The following SUN1 variants were observed in gnomAD, a reference collection of about 807,000 sequenced individuals.
SUN1 encodes the protein Sad1 and UNC84 domain containing 1.
In SUN1, 61 loss-of-function variants were observed where a neutral mutation model predicts 103.2. The observed-to-expected ratio is 0.59, with a 90% CI of 0.48 to 0.73. The LOEUF (loss-of-function observed/expected upper bound fraction) is 0.73. Among genes scored for constraint, SUN1 ranks in the 30% least tolerant of loss-of-function variants. The probability of loss-of-function intolerance (pLI) is 0.00; values close to 1 mark genes in which losing one functional copy is unlikely to be tolerated. For missense variants in SUN1, 1,052 were observed against 1,034.6 expected (o/e 1.02, Z -0.23); for synonymous variants, 490 against 425.7 (o/e 1.15, Z -1.86).
chr7:870,633 C>G (rs919722270), intron 17 of SUN1, among the ~76,000 whole-genome samples: 1 of 152,112 alleles, frequency 6.6e-6, no homozygotes, highest in Non-Finnish European at 1.5e-5. Context: ...GAGCATTTTT[C>G]CATGGCAGGT....
chr7:818,485 A>G (rs1165209694), intron 1 of SUN1, among the ~76,000 whole-genome samples: 1 of 152,212 alleles, frequency 6.6e-6, no homozygotes, highest in African/African-American at 2.4e-5. Context: ...AGTGTGAGTA[A>G]TGCAGCTACT....
intron 5 of SUN1, chr7:848,722 G>A: frequency 1.4e-6 from 1 of 702,394 alleles, no homozygotes; most frequent in Non-Finnish European, 2.1e-6. Context: ...TCCTCCTGTG[G>A]TCTTGGTGCT....
At chr7:828,201 G>A (rs978532258), upstream of SUN1, among the ~76,000 whole-genome samples, 7 of 151,932 alleles carry the variant, frequency 4.6e-5, no homozygotes, top group Non-Finnish European at 7.4e-5. Context: ...ACCCCACCTG[G>A]CCTTATCTAA....
intron 6 of SUN1, 126 bp downstream of exon 6, chr7:851,608 G>A (rs1822248322): frequency 7.1e-6 from 6 of 845,108 alleles, no homozygotes; most frequent in Admixed American, 2.3e-5. Flanking sequence ...TTGGCGTAAC[G>A]TGTCTCGTTC....
At chr7:819,108 C>A (rs1783637757) in intron 1 of SUN1, among the ~76,000 whole-genome samples, 1 of 152,000 alleles carries the variant, frequency 6.6e-6, no homozygotes, top group African/African-American at 2.4e-5. Context: ...GGTGATCTGC[C>A]CGCCTCGCCC....
At position 865,945 on chromosome 7, in the gene SUN1, C is replaced by A. The variant is rs1283253472; in HGVS notation, c.1865-7C>A. The A allele has an allele frequency of 6.2e-7, 1 of 1,613,348 alleles. No individual in the cohort carries two copies. Among genetic ancestry groups the A allele is most frequent in the South Asian group, 1.1e-5 (1 of 91,044 alleles). On this transcript the variant is annotated splice_region_variant and splice_polypyrimidine_tract_variant and intron_variant, in intron 15 of 18. Transcript: ENST00000401592. ...GACACTGAGACCGATCTGAACTTTGCTTTAAGGTGGCAGCATCTTGAGTAC... is the reference window on the plus strand; with the variant it reads ...GACACTGAGACCGATCTGAACTTTGATTTAAGGTGGCAGCATCTTGAGTAC...
chr7:816,549 C>A (rs1780553803), upstream of SUN1: 2 of 381,252 alleles, frequency 5.2e-6, no homozygotes, highest in Non-Finnish European at 1.0e-5. Flanking sequence ...GCGCTCGGGA[C>A]TGGTGAAGGC....
intron 14 of SUN1, 28 bp downstream of exon 14, chr7:860,410 T>C (rs755527884): frequency 6.2e-7 from 1 of 1,607,870 alleles, no homozygotes; most frequent in East Asian, 2.2e-5. Flanking sequence ...CGGCAAGAGA[T>C]GCTTACAGTC....
At chr7:858,107 G>A (rs1829200014) in intron 13 of SUN1, 150 bp downstream of exon 13, 3 of 998,432 alleles carry the variant, frequency 3.0e-6, no homozygotes, top group Non-Finnish European at 4.1e-6. Flanking sequence ...CTAGACTGCA[G>A]TGGCGCGATC....
At position 853,094 on chromosome 7, in the gene SUN1, A is replaced by C. The variant is rs972495720; in HGVS notation, c.1053+142A>C. On this transcript the variant is annotated intron_variant, in intron 9 of 18. Coordinates refer to ENST00000401592, the MANE Select transcript of SUN1 (RefSeq NM_001130965.3). ...AAATGTCAGATAAGCAAGTCTTTGG[A>C]GCTCCTTAAGTGTTCTAGGATAGTT... 5 of 1,126,948 alleles carry C rather than the reference A, an allele frequency of 4.4e-6. No homozygotes were observed. The South Asian group carries it at 5.0e-5, about 11-fold the overall frequency. 69.8% of individuals were successfully genotyped at this position (1,126,948 alleles called of 1,614,324 possible).
chr7:844,908 G>A (rs1352250104), intron 5 of SUN1, among the ~76,000 whole-genome samples: 1 of 152,166 alleles, frequency 6.6e-6, no homozygotes, highest in African/African-American at 2.4e-5. Flanking sequence ...GCACCCCAGG[G>A]CCCCGGGGGT....
At chr7:817,596 C>A in intron 1 of SUN1, 1 of 1,408,584 alleles carries the variant, frequency 7.1e-7, no homozygotes, top group South Asian at 1.3e-5. Flanking sequence ...ATAATTGTGT[C>A]TTCTAAGCTT....
Position 857,834 on chromosome 7 carries a change from T to C in SUN1, c.1401T>C (p.Val467=). 6.3e-7 allele frequency: 1 copy of C among 1,581,408 alleles called. No homozygotes were observed. The highest frequency in any genetic ancestry group is 8.6e-7 in the Non-Finnish European group (1 of 1,157,846). ...TCTCACTGTTGGATTCCAGTGCGGTTGGTGAGCAGCTCCTGCCCACAGTCG... is the reference window on the plus strand; with the variant it reads ...TCTCACTGTTGGATTCCAGTGCGGTCGGTGAGCAGCTCCTGCCCACAGTCG... ...EQTKQKTISA[V]GEQLLPTVEH... Residue 467 remains valine (V), a synonymous_variant, in exon 13 of 19, where the codon GTT becomes GTC. Coordinates refer to ENST00000401592, the MANE Select transcript of SUN1 (RefSeq NM_001130965.3).
chr7:866,907 A>C (rs1837426103), intron 16 of SUN1, among the ~76,000 whole-genome samples: 1 of 151,932 alleles, frequency 6.6e-6, no homozygotes. Context: ...AGTTTAAAGC[A>C]CTAAAGGATG....
At chr7:835,003 G>GA (rs768095518) in intron 1 of SUN1, among the ~76,000 whole-genome samples, 15 of 152,242 alleles carry the variant, frequency 9.9e-5, no homozygotes, top group Non-Finnish European at 1.8e-4. Flanking sequence ...TTGAACCCAA[G>GA]AGGTGGAGGT....
At chr7:847,915 A>C (rs1817812045) in intron 5 of SUN1, among the ~76,000 whole-genome samples, 1 of 147,262 alleles carries the variant, frequency 6.8e-6, no homozygotes, top group Non-Finnish European at 1.5e-5. Flanking sequence ...CCTGGGGGTT[A>C]CTCCACAGTC....
intron 15 of SUN1, among the ~76,000 whole-genome samples, chr7:862,228 C>G (rs140531142): frequency 4.5e-4 from 68 of 152,344 alleles, no homozygotes; most frequent in African/African-American, 1.5e-3. Flanking sequence ...TCACATCACT[C>G]AGAAGATGCT....
At chr7:851,264 C>A in intron 5 of SUN1, 120 bp from the exon 6 acceptor site, 1 of 778,594 alleles carries the variant, frequency 1.3e-6, no homozygotes, top group Admixed American at 2.4e-5. Flanking sequence ...TTTGAGGAGA[C>A]TCTTGACCCA....
In SUN1 at chr7:873,603, CTTTGCA is replaced by C. The variant is rs2128615029; in HGVS notation, c.*282_*287del. ...CACTCCTTGTTTTTAACGGGAAGCT[CTTTGCA>C]TTTGCATTTCCTCAACAAAGGAGCA... On this transcript the variant is annotated 3_prime_UTR_variant, in exon 19 of 19. Coordinates refer to ENST00000401592, the MANE Select transcript of SUN1 (RefSeq NM_001130965.3). The C allele has an allele frequency of 5.3e-6, 2 of 374,728 alleles. No homozygotes were observed. Among genetic ancestry groups the C allele is most frequent in the Non-Finnish European group, 9.7e-6 (2 of 205,994 alleles). 23.2% of individuals were successfully genotyped at this position (374,728 alleles called of 1,614,324 possible). A position where few individuals can be genotyped will look rare whatever the true frequency, so the allele number is the denominator to read the frequency against.
Sources: allele counts gnomAD v4.1 joint callset (sites outside exome capture counted in the v4.1 genomes callset), GRCh38; gene constraint gnomAD v4.1.1; transcripts MANE v1.5; gene names NCBI Gene and HGNC (gene_info 2026-07-23, HGNC 2026-07-21).